The following HHIPL1 variants were observed in gnomAD, a reference collection of about 807,000 sequenced individuals.
HHIPL1 encodes the protein HHIP-like protein 1.
HHIPL1 carries 43 observed loss-of-function variants against 61.8 expected under a neutral mutation model. The observed-to-expected ratio is 0.70, with a 90% confidence interval of 0.55 to 0.90. The LOEUF (loss-of-function observed/expected upper bound fraction) is 0.90. HHIPL1 is among the 40% of genes least tolerant of loss of function. HHIPL1 has a pLI of 0.00. For synonymous variants in HHIPL1, 482 were observed against 515.8 expected (o/e 0.93, Z 0.89); for missense variants, 1,056 against 1,157.7 (o/e 0.91, Z 1.28).
the HHIPL1 span, among the ~76,000 whole-genome samples, chr14:99,618,254 G>A: frequency 6.6e-6 from 1 of 152,236 alleles, no homozygotes; most frequent in African/African-American, 2.4e-5. Context: ...TTGGCATCCT[G>A]GGAATCCCAG....
chr14:99,637,858 C>T, the HHIPL1 span, among the ~76,000 whole-genome samples: 1 of 152,256 alleles, frequency 6.6e-6, no homozygotes, highest in East Asian at 1.9e-4. Context: ...AACCAATGCC[C>T]AGAGAGGTCA....
chr14:99,646,764 A>T (rs1293342461), intron 1 of HHIPL1, among the ~76,000 whole-genome samples: 1 of 150,862 alleles, frequency 6.6e-6, no homozygotes, highest in Non-Finnish European at 1.5e-5. Context: ...ACAGAGCAAG[A>T]CTCCGTCTCA....
rs2056123335 is a variant in HHIPL1, at chr14:99,660,017, C to T, written c.1375+261C>T. 1.3e-5 allele frequency among the ~76,000 whole-genome samples: 2 copies of T among 151,772 alleles called. No individual in the cohort carries two copies. Among genetic ancestry groups the T allele is most frequent in the South Asian group, 2.1e-4 (1 of 4,784 alleles). ...GAGCCAAAGCCTCCTTCGGTGACTG[C>T]CCCCGCCTCCACCCGGAGCCTCCCT... On this transcript the variant is annotated intron_variant, in intron 4 of 8. Coordinates refer to ENST00000330710, the MANE Select transcript of HHIPL1 (RefSeq NM_001127258.3). The surrounding 1 kb of genome is among the most constrained non-coding windows in gnomAD (Gnocchi z 4.9).
chr14:99,628,070 T>C, the HHIPL1 span, among the ~76,000 whole-genome samples: 2 of 151,936 alleles, frequency 1.3e-5, no homozygotes, highest in African/African-American at 4.8e-5. Flanking sequence ...ACTGCTGTGA[T>C]GGGCTAGACG....
intron 6 of HHIPL1, among the ~76,000 whole-genome samples, chr14:99,665,460 A>G (rs2056228432): frequency 6.6e-6 from 1 of 152,078 alleles, no homozygotes; most frequent in African/African-American, 2.4e-5. Context: ...TTTATTTTTG[A>G]GGTAGAGTCT....
rs761769205 is a variant in HHIPL1, at chr14:99,668,190, GGGTCTCAC to G, written c.1649-31_1649-24del. On this transcript the variant is annotated intron_variant, in intron 6 of 8. Transcript: ENST00000330710. This position sits in a 1 kb window ranked among gnomAD's most constrained non-coding sequence, Gnocchi z 4.7. ...CTGGCTGGGACGGTATTCCAGGTGG[GGGTCTCAC>G]TAGTCACTTTGTTCTGTCCAAAGGG... The G allele has an allele frequency of 2.6e-5, 36 of 1,373,966 alleles. No individual in the cohort carries two copies. Among genetic ancestry groups the G allele is most frequent in the Non-Finnish European group, 3.7e-5 (36 of 960,892 alleles). The allele number at this position is 1,373,966 out of a possible 1,614,324, so 85.1% of individuals were successfully genotyped here.
In HHIPL1 at chr14:99,652,833, G is replaced by A. The variant is rs200216413; in HGVS notation, c.865G>A (p.Glu289Lys). ...CCGCATCAGCGAGTTCAGAGTCTCC[G>A]AGGATGACGAGAACGCCGTGGACCA... ...WIRISEFRVS[E>K]DDENAVDHSS... The change falls in exon 2 of 9, where the codon GAG becomes AAG. Residue 289 changes from glutamate to lysine, a missense_variant. Coordinates refer to ENST00000330710, the MANE Select transcript of HHIPL1 (RefSeq NM_001127258.3). The A allele has an allele frequency of 2.1e-5, 34 of 1,614,068 alleles. No individual in the cohort carries two copies. In the East Asian group the frequency reaches 3.6e-4, roughly 17 times the overall value.
At position 99,660,651 on chromosome 14, in the gene HHIPL1, G is replaced by A. The variant is rs1006066312; in HGVS notation, c.1502+245G>A. Among the ~76,000 whole-genome samples, 1 of 152,208 alleles carries A rather than the reference G, an allele frequency of 6.6e-6. No homozygotes were observed. Among genetic ancestry groups the A allele is most frequent in the African/African-American group, 2.4e-5 (1 of 41,452 alleles). On this transcript the variant is annotated intron_variant, in intron 5 of 8. Transcript: ENST00000330710. The surrounding 1 kb of genome is among the most constrained non-coding windows in gnomAD (Gnocchi z 4.9). ...CACACAACTCATGGCATTAAAGACTGGAGGCTTGCTTAAGTGCGGGTCCCG... is the reference window on the plus strand; with the variant it reads ...CACACAACTCATGGCATTAAAGACTAGAGGCTTGCTTAAGTGCGGGTCCCG...
chr14:99,662,613 T>C (rs1252857831), intron 5 of HHIPL1, among the ~76,000 whole-genome samples: 2 of 152,222 alleles, frequency 1.3e-5, no homozygotes, highest in Non-Finnish European at 2.9e-5. Flanking sequence ...CTTGATCTCA[T>C]GCTCTGTGGT....
At position 99,675,773 on chromosome 14, in the gene HHIPL1, G is replaced by A; in HGVS notation, c.*147G>A. On this transcript the variant is annotated 3_prime_UTR_variant, in exon 9 of 9. Coordinates refer to ENST00000330710, the MANE Select transcript of HHIPL1 (RefSeq NM_001127258.3). This position sits in a 1 kb window ranked among gnomAD's most constrained non-coding sequence, Gnocchi z 5.4. The stretch of plus-strand genomic sequence containing the variant: ...GTCCTGGGGACATGTGTGAGGCGCT[G>A]CAGTGCATGTGTGTCCTCTGCAGAC... 1.3e-6 allele frequency: 1 copy of A among 787,154 alleles called. No homozygotes were observed. Among genetic ancestry groups the A allele is most frequent in the Non-Finnish European group, 1.9e-6 (1 of 523,196 alleles). The allele number at this position is 787,154 out of a possible 1,614,324, so 48.8% of individuals were successfully genotyped here. A position where few individuals can be genotyped will look rare whatever the true frequency, so the allele number is the denominator to read the frequency against.
intron 2 of HHIPL1, among the ~76,000 whole-genome samples, 156 bp from the exon 3 acceptor site, chr14:99,656,828 AAAGAAAGAAAGGAAGG>A (rs1179127810): frequency 3.3e-4 from 4 of 12,276 alleles, no homozygotes; most frequent in African/African-American, 4.6e-4. Flanking sequence ...AGAAAGAAAG[AAAGAAAGAAAGGAAGG>A]AAGGAAGGAA....
At chr14:99,654,951 A>G (rs1205856789) in intron 2 of HHIPL1, among the ~76,000 whole-genome samples, 1 of 152,222 alleles carries the variant, frequency 6.6e-6, no homozygotes, top group East Asian at 1.9e-4. Flanking sequence ...CAAAATACAC[A>G]GATGAACATA....
chr14:99,620,312 C>T, the HHIPL1 span, among the ~76,000 whole-genome samples: 1,314 of 152,350 alleles, frequency 8.6e-3, 17 homozygotes, highest in Middle Eastern at 0.051. Flanking sequence ...CTCTGCCCTT[C>T]CAGACAACGA....
the HHIPL1 span, among the ~76,000 whole-genome samples, chr14:99,610,913 C>A: frequency 4.3e-4 from 66 of 152,274 alleles, 2 homozygotes; most frequent in Middle Eastern, 0.014. Flanking sequence ...GGTTACTCAA[C>A]CTCAGCGTGG....
chr14:99,663,159 C>A, intron 6 of HHIPL1, 138 bp downstream of exon 6: 1 of 774,726 alleles, frequency 1.3e-6, no homozygotes, highest in African/African-American at 1.8e-5. Flanking sequence ...TGTTCCCTGG[C>A]TCCAGACGTG....
rs1161844602 is a variant in HHIPL1 at position 99,675,441 on chromosome 14, G to A, written c.2164G>A (p.Val722Met). 1.0e-5 allele frequency: 16 copies of A among 1,537,630 alleles called. No homozygotes were observed. The highest frequency in any genetic ancestry group is 5.5e-5 in the African/African-American group (4 of 72,818). ...VCRQLGFAYA[V>M]RAVKRAEFGQ... ...TCGCCAGCTGGGGTTTGCCTACGCC[G>A]TGCGCGCCGTCAAGAGAGCCGAGTT... The change falls in exon 9 of 9, where the codon GTG becomes ATG. Residue 722 changes from valine (V) to methionine (M), a missense_variant. By Grantham distance (21) the Val-to-Met change is conservative. Coordinates refer to ENST00000330710, the MANE Select transcript of HHIPL1 (RefSeq NM_001127258.3). The surrounding 1 kb of genome is among the most constrained non-coding windows in gnomAD (Gnocchi z 5.4).
chr14:99,621,964 C>T, the HHIPL1 span, among the ~76,000 whole-genome samples: 1 of 152,236 alleles, frequency 6.6e-6, no homozygotes, highest in East Asian at 1.9e-4. Flanking sequence ...ATCCGCCCAC[C>T]TTGGCCTCCC....
intron 7 of HHIPL1, among the ~76,000 whole-genome samples, chr14:99,669,890 C>G (rs1360079845): frequency 6.6e-6 from 1 of 152,120 alleles, no homozygotes; most frequent in Non-Finnish European, 1.5e-5. Context: ...GCACCACTGC[C>G]CTCCAGCCTG....
At chr14:99,651,741 T>C (rs1380619007) in intron 1 of HHIPL1, among the ~76,000 whole-genome samples, 1 of 152,178 alleles carries the variant, frequency 6.6e-6, no homozygotes. Context: ...GAGCTGTCCA[T>C]GGGCAGAGCC....
Sources: gnomAD v4.1 joint callset for allele counts (sites outside exome capture counted in the v4.1 genomes callset) on GRCh38, gnomAD v4.1.1 for gene constraint, Gnocchi (gnomAD v3.1) non-coding constraint, MANE v1.5 for transcripts, NCBI Gene and HGNC (gene_info 2026-07-23, HGNC 2026-07-21) for gene names.